AMPH: variants seen among roughly 807,000 people sequenced by gnomAD.
The protein encoded by AMPH is amphiphysin (Stiff-Mann syndrome with breast cancer 128kD autoantigen).
In AMPH, 49 loss-of-function variants were observed where a neutral mutation model predicts 99.1. That is an observed-to-expected ratio of 0.49 (90% CI 0.39 to 0.63). AMPH has a LOEUF of 0.63. AMPH is among the 20% of genes least tolerant of loss of function. AMPH has a pLI of 0.00. For missense variants in AMPH, 759 were observed against 863.4 expected, an observed-to-expected ratio of 0.88 and a Z score of 1.52; for synonymous variants, 314 against 317.3, an observed-to-expected ratio of 0.99 and a Z score of 0.11.
chr7:38,410,236 A>G (rs1357096843), intron 17 of AMPH, among the ~76,000 whole-genome samples: 1 of 152,234 alleles, frequency 6.6e-6, no homozygotes, highest in Non-Finnish European at 1.5e-5. Context: ...GCTGCCAGAC[A>G]TACCCAGAGA....
chr7:38,587,914 C>CTCTGTGTGTGTG (rs1331025058), intron 1 of AMPH, among the ~76,000 whole-genome samples: 16 of 126,084 alleles, frequency 1.3e-4, no homozygotes, highest in African/African-American at 4.4e-4. Context: ...TTATTAATTA[C>CTCTGTGTGTGTG]TGTGTGTGTG....
intron 1 of AMPH, 103 bp from the exon 2 acceptor site, chr7:38,535,114 T>A: frequency 2.0e-6 from 2 of 975,968 alleles, no homozygotes; most frequent in Non-Finnish European, 3.1e-6. Context: ...CTCTGAGGAG[T>A]AGAGCAAAAC....
At chr7:38,564,717 C>T (rs1273708670) in intron 1 of AMPH, among the ~76,000 whole-genome samples, 1 of 152,242 alleles carries the variant, frequency 6.6e-6, no homozygotes, top group Non-Finnish European at 1.5e-5. Context: ...ACTTAATATA[C>T]TGCCTCTGTT....
At chr7:38,618,100 CAG>C (rs1793935157) in intron 1 of AMPH, among the ~76,000 whole-genome samples, 1 of 152,044 alleles carries the variant, frequency 6.6e-6, no homozygotes, top group African/African-American at 2.4e-5. Context: ...GTTTATTAAA[CAG>C]AGTCCATTTC....
chr7:38,488,908 T>C (rs1368551725), intron 5 of AMPH, among the ~76,000 whole-genome samples: 1 of 152,128 alleles, frequency 6.6e-6, no homozygotes, highest in Admixed American at 6.5e-5. Flanking sequence ...ATTGTTAAAA[T>C]ACCCATACTA....
At chr7:38,541,405 T>A (rs1790805424) in intron 1 of AMPH, among the ~76,000 whole-genome samples, 1 of 152,142 alleles carries the variant, frequency 6.6e-6, no homozygotes, top group South Asian at 2.1e-4. Context: ...CTTAAGGAAG[T>A]GGATTTAATT....
At position 38,389,730 on chromosome 7, in the gene AMPH, G is replaced by A; in HGVS notation, c.1980+74C>T. The A allele has an allele frequency of 1.3e-5, 14 of 1,115,562 alleles. No individual in the cohort carries two copies. The South Asian group carries it at 1.4e-4, about 11-fold the overall frequency. 69.1% of individuals were successfully genotyped at this position (1,115,562 alleles called of 1,614,324 possible). On this transcript the variant is annotated intron_variant, in intron 20 of 20. Transcript: ENST00000356264. ...TCTCAGAAAATAGAAACATCTTTAG[G>A]AAGTGATTGTGTCCAACAGACCCTC...
intron 17 of AMPH, among the ~76,000 whole-genome samples, chr7:38,410,548 G>A (rs752229417): frequency 3.9e-5 from 6 of 152,188 alleles, no homozygotes; most frequent in Non-Finnish European, 8.8e-5. Context: ...CTGGAAAAAA[G>A]CCATAAACAC....
At chr7:38,439,401 T>C (rs1786417042) in intron 11 of AMPH, among the ~76,000 whole-genome samples, 1 of 152,188 alleles carries the variant, frequency 6.6e-6, no homozygotes, top group South Asian at 2.1e-4. Flanking sequence ...CTCTTAATCT[T>C]GAGAATTATC....
At chr7:38,446,763 CAT>C (rs1281008802) in intron 11 of AMPH, among the ~76,000 whole-genome samples, 1 of 151,970 alleles carries the variant, frequency 6.6e-6, no homozygotes, top group East Asian at 1.9e-4. Flanking sequence ...CATATGTAAA[CAT>C]GTACAGTTTA....
At chr7:38,512,090 T>A (rs565308214) in intron 2 of AMPH, among the ~76,000 whole-genome samples, 4 of 152,328 alleles carry the variant, frequency 2.6e-5, no homozygotes, top group African/African-American at 9.6e-5. Flanking sequence ...TAATGGACAC[T>A]TAAGTGTGTA....
At chr7:38,623,852 G>A (rs1794151231) in intron 1 of AMPH, among the ~76,000 whole-genome samples, 1 of 152,166 alleles carries the variant, frequency 6.6e-6, no homozygotes, top group African/African-American at 2.4e-5. Flanking sequence ...GATGGAAGGA[G>A]ACAACATTGT....
At chr7:38,543,778 T>G (rs528975841) in intron 1 of AMPH, among the ~76,000 whole-genome samples, 96 of 152,272 alleles carry the variant, frequency 6.3e-4, no homozygotes, top group African/African-American at 2.2e-3. Flanking sequence ...TTTCCCAAAA[T>G]GTGTTCCATG....
chr7:38,477,102 T>A, intron 5 of AMPH, 133 bp from the exon 6 acceptor site: 1 of 666,386 alleles, frequency 1.5e-6, no homozygotes, highest in Non-Finnish European at 2.6e-6. Context: ...TGGGCTGGAG[T>A]TTCACTAGCT....
intron 3 of AMPH, among the ~76,000 whole-genome samples, chr7:38,500,298 A>G (rs1282374460): frequency 6.6e-6 from 1 of 152,174 alleles, no homozygotes; most frequent in Middle Eastern, 3.2e-3. Flanking sequence ...TCAGCTGTGG[A>G]CAAAGTAATT....
chr7:38,553,630 C>A (rs1025076335), intron 1 of AMPH, among the ~76,000 whole-genome samples: 1 of 152,204 alleles, frequency 6.6e-6, no homozygotes, highest in East Asian at 1.9e-4. Context: ...CAAGGAAGGA[C>A]AACAGATATT....
intron 1 of AMPH, among the ~76,000 whole-genome samples, chr7:38,611,961 A>G (rs1793695282): frequency 6.6e-6 from 1 of 152,178 alleles, no homozygotes; most frequent in South Asian, 2.1e-4. Flanking sequence ...GTCTGTCTAC[A>G]CAGCTTAATA....
rs1281259661 is a variant in AMPH at position 38,445,008 on chromosome 7, TATAC to T, written c.1018-8624_1018-8621del. 2.3e-4 allele frequency among the ~76,000 whole-genome samples: 25 copies of T among 108,862 alleles called. 1 individual carries two copies. Among genetic ancestry groups the T allele is most frequent in the East Asian group, 2.1e-3 (6 of 2,798 alleles). 71.4% of individuals were successfully genotyped at this position (108,862 alleles called of 152,430 possible). ...ATATATACATATATATATATATATA[TATAC>T]ACACACACACACGGTATATACATAT... On this transcript the variant is annotated intron_variant, in intron 11 of 20. Transcript: ENST00000356264.
intron 11 of AMPH, among the ~76,000 whole-genome samples, chr7:38,451,189 G>T (rs1172677563): frequency 6.6e-6 from 1 of 151,424 alleles, no homozygotes; most frequent in Non-Finnish European, 1.5e-5. Flanking sequence ...CACCATGTCT[G>T]GCCCCAAAAC....
Sources: gnomAD v4.1 joint callset for allele counts (sites outside exome capture counted in the v4.1 genomes callset) on GRCh38, gnomAD v4.1.1 for gene constraint, MANE v1.5 for transcripts, NCBI Gene and HGNC (gene_info 2026-07-23, HGNC 2026-07-21) for gene names.